GNB1: variants seen among roughly 807,000 people sequenced by gnomAD.
GNB1 encodes the protein guanine nucleotide-binding protein G(I)/G(S)/G(T) subunit beta-1.
In GNB1, 2 loss-of-function variants were observed where a neutral mutation model predicts 42.9. The observed-to-expected ratio is 0.05, with a 90% CI of 0.02 to 0.15. GNB1 has a LOEUF of 0.15. Ranked by LOEUF, GNB1 falls within the 10% of genes least tolerant of loss-of-function variation. GNB1 has a pLI of 1.00. For synonymous variants in GNB1, 183 were observed against 174.7 expected, an observed-to-expected ratio of 1.05 and a Z score of -0.38; for missense variants, 193 against 462.2, an observed-to-expected ratio of 0.42 and a Z score of 5.34.
At chr1:1,797,641 T>C (rs960507221) in intron 7 of GNB1, among the ~76,000 whole-genome samples, 9 of 152,230 alleles carry the variant, frequency 5.9e-5, no homozygotes, top group African/African-American at 1.4e-4. Context: ...TTTTGCCATG[T>C]TGGCAGGCTG....
At chr1:1,830,253 AAAT>A (rs1268559066) in intron 2 of GNB1, among the ~76,000 whole-genome samples, 5 of 151,766 alleles carry the variant, frequency 3.3e-5, no homozygotes, top group Non-Finnish European at 7.4e-5. Flanking sequence ...AGTTTCAATA[AAAT>A]AATATTACAT....
intron 1 of GNB1, among the ~76,000 whole-genome samples, chr1:1,864,339 A>G (rs1192523279): frequency 6.7e-6 from 1 of 148,736 alleles, no homozygotes; most frequent in African/African-American, 2.4e-5. Context: ...AAAAAAAAGA[A>G]GAAAACCCCA....
chr1:1,850,534 AACTC>A (rs1315924728), intron 1 of GNB1, among the ~76,000 whole-genome samples: 4 of 151,968 alleles, frequency 2.6e-5, no homozygotes, highest in Admixed American at 2.6e-4. Context: ...TCTGCTGACA[AACTC>A]ACTGAGAAAA....
chr1:1,789,330 T>C (rs1646449776), intron 9 of GNB1, 61 bp from the exon 10 acceptor site: 3 of 934,958 alleles, frequency 3.2e-6, no homozygotes, highest in African/African-American at 1.6e-5. Flanking sequence ...ATTGGGAATA[T>C]GGATTGCTCA....
intron 2 of GNB1, among the ~76,000 whole-genome samples, chr1:1,832,573 C>G (rs1647091729): frequency 6.6e-6 from 1 of 152,192 alleles, no homozygotes; most frequent in Admixed American, 6.5e-5. Context: ...CAAGTGTTAG[C>G]AAGATTTTTA....
chr1:1,822,180 C>T (rs1334747042), intron 3 of GNB1, among the ~76,000 whole-genome samples: 2 of 152,156 alleles, frequency 1.3e-5, no homozygotes, highest in Non-Finnish European at 2.9e-5. Context: ...AAAGACAGGG[C>T]CTTTCTACCT....
intron 1 of GNB1, among the ~76,000 whole-genome samples, chr1:1,859,020 A>G (rs868449649): frequency 6.7e-6 from 1 of 148,540 alleles, no homozygotes. Context: ...ATGGGTATTT[A>G]TTTTCTTTTT....
At chr1:1,809,844 C>CA (rs1646750836) in intron 5 of GNB1, among the ~76,000 whole-genome samples, 1 of 152,098 alleles carries the variant, frequency 6.6e-6, no homozygotes, top group Non-Finnish European at 1.5e-5. Context: ...AGGTGCCACT[C>CA]ACCTAGAACA....
intron 1 of GNB1, among the ~76,000 whole-genome samples, chr1:1,844,081 G>C (rs920791263): frequency 6.6e-6 from 1 of 152,032 alleles, no homozygotes; most frequent in Non-Finnish European, 1.5e-5. Flanking sequence ...TGTAGTCCCA[G>C]CTACTTGGGA....
chr1:1,835,922 G>GAAAAAAAAAAA lies in GNB1; in HGVS notation c.-47+3257_-47+3267dup, dbSNP rs59271649. Among the ~76,000 whole-genome samples, 76 of 88,654 alleles carry GAAAAAAAAAAA rather than the reference G, an allele frequency of 8.6e-4. 2 individuals carry two copies. Among genetic ancestry groups the GAAAAAAAAAAA allele is most frequent in the Non-Finnish European group, 1.1e-3 (56 of 49,920 alleles). 58.2% of individuals were successfully genotyped at this position (88,654 alleles called of 152,430 possible). Reference sequence around the variant, plus strand: ...CCCCGTCTTACAAGAATTAAAAAAAGAAAAAAAAAAAAAAAAAAAAAGCCA... The same window carrying GAAAAAAAAAAA: ...CCCCGTCTTACAAGAATTAAAAAAAGAAAAAAAAAAAAAAAAAAAAAAAAAAAAAAAAGCCA... On this transcript the variant is annotated intron_variant, in intron 2 of 11. Transcript: ENST00000378609.
chr1:1,802,125 G>C (rs1039149874), intron 7 of GNB1, among the ~76,000 whole-genome samples: 2 of 152,168 alleles, frequency 1.3e-5, no homozygotes, highest in Admixed American at 1.3e-4. Context: ...CATTTTAACA[G>C]CCCTGCATGA....
At chr1:1,875,130 G>A (rs572728655) in intron 1 of GNB1, among the ~76,000 whole-genome samples, 6 of 152,136 alleles carry the variant, frequency 3.9e-5, no homozygotes, top group East Asian at 3.9e-4. Context: ...TGTGCAGCCC[G>A]GCTCCTAAGA....
At chr1:1,878,992 G>A (rs549505600) in intron 1 of GNB1, among the ~76,000 whole-genome samples, 18 of 152,280 alleles carry the variant, frequency 1.2e-4, no homozygotes, top group African/African-American at 4.1e-4. Flanking sequence ...CCAAAGTCTG[G>A]TCACTCCTTT....
intron 7 of GNB1, among the ~76,000 whole-genome samples, chr1:1,795,264 C>T (rs1296318089): frequency 6.6e-6 from 1 of 152,176 alleles, no homozygotes; most frequent in Non-Finnish European, 1.5e-5. Flanking sequence ...CCTCCACTGG[C>T]TTCCTGGTTC....
chr1:1,812,579 A>G (rs1646797160), intron 5 of GNB1, among the ~76,000 whole-genome samples: 1 of 152,120 alleles, frequency 6.6e-6, no homozygotes, highest in Non-Finnish European at 1.5e-5. Flanking sequence ...TGACTGTGCA[A>G]TTATACAACA....
chr1:1,844,262 G>A (rs1647494515), intron 1 of GNB1, among the ~76,000 whole-genome samples: 1 of 151,728 alleles, frequency 6.6e-6, no homozygotes, highest in East Asian at 1.9e-4. Context: ...ACGGTGGCAT[G>A]CACCTGTAGT....
Position 1,805,086 on chromosome 1 carries a change from C to T in GNB1, c.268-505G>A, listed in dbSNP as rs145438727. 2.6e-4 allele frequency among the ~76,000 whole-genome samples: 39 copies of T among 152,174 alleles called. No homozygotes were observed. The East Asian group carries it at 7.2e-3, about 28-fold the overall frequency. ...CTGGGGCAGGAGAATCACTTGAACC[C>T]GGGAGGCGGAGGTTGCAGTGAGCTG... On this transcript the variant is annotated intron_variant, in intron 6 of 11. Coordinates refer to ENST00000378609, the MANE Select transcript of GNB1 (RefSeq NM_002074.5).
At chr1:1,812,879 G>C (rs369760286) in intron 5 of GNB1, among the ~76,000 whole-genome samples, 3 of 120,586 alleles carry the variant, frequency 2.5e-5, no homozygotes, top group Non-Finnish European at 3.2e-5. Context: ...CCATCTCTTC[G>C]GTCCCTGAAC....
At chr1:1,843,262 C>T (rs1647420047) in intron 1 of GNB1, among the ~76,000 whole-genome samples, 1 of 152,158 alleles carries the variant, frequency 6.6e-6, no homozygotes, top group Non-Finnish European at 1.5e-5. Context: ...CTCTGTCAGC[C>T]AGTCTGGAGT....
Sources: allele counts gnomAD v4.1 joint callset (sites outside exome capture counted in the v4.1 genomes callset), GRCh38; gene constraint gnomAD v4.1.1; transcripts MANE v1.5; gene names NCBI Gene and HGNC (gene_info 2026-07-23, HGNC 2026-07-21).